Variants in ENPP3 observed in about 807,000 individuals in gnomAD.
The protein encoded by ENPP3 is ectonucleotide pyrophosphatase/phosphodiesterase 3.
In ENPP3, 104 loss-of-function variants were observed where a neutral mutation model predicts 117.8. That is an observed-to-expected ratio of 0.88 (90% CI 0.75 to 1.04). The LOEUF (loss-of-function observed/expected upper bound fraction) is 1.04, where lower values mean the gene tolerates loss of function less well. ENPP3 is among the 50% of genes least tolerant of loss of function. ENPP3 has a pLI of 0.00. For missense variants in ENPP3, 1,026 were observed against 1,051.9 expected (o/e 0.98, Z 0.34); for synonymous variants, 380 against 349.9 (o/e 1.09, Z -0.96).
chr6:131,710,992 T>C lies in ENPP3; in HGVS notation c.1413-7680T>C, dbSNP rs1042302391. ...CTCCAGGACCAGCCCCAGGTAGGGC[T>C]GAGGGGTAGCACCAGGCTCCTCCAT... On this transcript the variant is annotated intron_variant, in intron 15 of 24. Transcript: ENST00000357639. 15 of 1,581,394 alleles carry C rather than the reference T, an allele frequency of 9.5e-6. 2 individuals are homozygous for C. Among genetic ancestry groups the C allele is most frequent in the Non-Finnish European group, 1.3e-5 (15 of 1,176,188 alleles).
rs1780657984 is a variant in ENPP3 at position 131,747,335 on chromosome 6, A to G, written c.*379A>G. On this transcript the variant is annotated 3_prime_UTR_variant, in exon 25 of 25. Transcript: ENST00000357639. ...AGAAGTATGTCTCACTTGGGAACTG[A>G]ATCAACTCTAAATCAGTTTTGTCAC... 6.5e-6 allele frequency: 1 copy of G among 153,218 alleles called. No homozygotes were observed. Among genetic ancestry groups the G allele is most frequent in the Non-Finnish European group, 1.5e-5 (1 of 68,760 alleles). The allele number at this position is 153,218 out of a possible 1,614,324, so 9.5% of individuals were successfully genotyped here.
intron 20 of ENPP3, among the ~76,000 whole-genome samples, chr6:131,728,205 T>C (rs889463381): frequency 1.3e-5 from 2 of 152,224 alleles, no homozygotes; most frequent in African/African-American, 4.8e-5. Context: ...TATTTTGTTA[T>C]TGTTTTCGAG....
chr6:131,743,749 T>G (rs934046761), intron 24 of ENPP3, among the ~76,000 whole-genome samples: 3 of 151,852 alleles, frequency 2.0e-5, no homozygotes, highest in African/African-American at 7.3e-5. Flanking sequence ...TTCTTGAAAC[T>G]GGGAAGTAGA....
rs150521549 is a variant in ENPP3, at chr6:131,657,524, A to G, written c.465-799A>G. ...TTCTGGTTTATTCATTCACTGGAAT[A>G]TTAGATAGCTATGGGAATGAATGAT... On this transcript the variant is annotated intron_variant, in intron 5 of 24. Transcript: ENST00000357639. Among the ~76,000 whole-genome samples, 83 of 152,364 alleles carry G rather than the reference A, an allele frequency of 5.4e-4. 1 individual carries two copies. The highest frequency in any genetic ancestry group is 1.9e-3 in the African/African-American group (78 of 41,594).
chr6:131,685,854 A>G, intron 13 of ENPP3, 22 bp from the exon 14 acceptor site: 1 of 928,532 alleles, frequency 1.1e-6, no homozygotes, highest in Non-Finnish European at 1.7e-6. Flanking sequence ...AATGTCATTT[A>G]TTTCTTTTTC....
intron 6 of ENPP3, among the ~76,000 whole-genome samples, chr6:131,670,443 C>T (rs1368758388): frequency 2.0e-5 from 3 of 152,108 alleles, no homozygotes; most frequent in Non-Finnish European, 4.4e-5. Context: ...TGTGTATGGC[C>T]TGCCATATAT....
intron 12 of ENPP3, among the ~76,000 whole-genome samples, chr6:131,683,745 A>G (rs746642860): frequency 2.8e-5 from 4 of 143,850 alleles, no homozygotes; most frequent in Non-Finnish European, 6.0e-5. Flanking sequence ...CACTCACTCT[A>G]CAGGTTTTTT....
At chr6:131,653,446 C>A (rs1429475704) in intron 5 of ENPP3, among the ~76,000 whole-genome samples, 1 of 152,022 alleles carries the variant, frequency 6.6e-6, no homozygotes, top group Non-Finnish European at 1.5e-5. Context: ...CTCTACCCAG[C>A]CACAGTAATG....
In ENPP3 at chr6:131,678,545, G is replaced by A. The variant is rs115279347; in HGVS notation, c.1011+605G>A. Among the ~76,000 whole-genome samples the A allele has an allele frequency of 5.3e-3, 813 of 152,252 alleles. 5 individuals are homozygous for A. The highest frequency in any genetic ancestry group is 0.019 in the African/African-American group (772 of 41,550). ...CAAGCCATTCTGTCTTCTAAACTCC[G>A]CTAAAGCCTCTATTGTCTTGGACAC... On this transcript the variant is annotated intron_variant, in intron 11 of 24. Transcript: ENST00000357639.
intron 15 of ENPP3, among the ~76,000 whole-genome samples, chr6:131,694,279 G>A (rs1779353227): frequency 6.6e-6 from 1 of 152,122 alleles, no homozygotes; most frequent in African/African-American, 2.4e-5. Context: ...TGCTTGCCAT[G>A]TATGCACCAG....
intron 3 of ENPP3, among the ~76,000 whole-genome samples, chr6:131,652,288 A>T (rs1258247760): frequency 6.6e-6 from 1 of 152,206 alleles, no homozygotes. Context: ...CCATGTTCAG[A>T]TCTTCTCCAA....
At chr6:131,694,222 T>A (rs1179670780) in intron 15 of ENPP3, among the ~76,000 whole-genome samples, 3 of 152,212 alleles carry the variant, frequency 2.0e-5, no homozygotes, top group Non-Finnish European at 2.9e-5. Context: ...TATGACTCAC[T>A]CCATCTTAAA....
At chr6:131,645,652 C>T (rs1050911443) in intron 2 of ENPP3, among the ~76,000 whole-genome samples, 3 of 152,210 alleles carry the variant, frequency 2.0e-5, no homozygotes, top group African/African-American at 7.2e-5. Flanking sequence ...TCTAACCTAA[C>T]ACTTGACAGT....
Position 131,658,329 on chromosome 6 carries a change from C to A in ENPP3, c.471C>A (p.Asp157Glu). 2.5e-6 allele frequency: 4 copies of A among 1,601,368 alleles called. No homozygotes were observed. The highest frequency in any genetic ancestry group is 2.2e-5 in the East Asian group (1 of 44,796). ...TTTTGTTTTCCATTTTCAGGTTTGA[C>A]CTGCCACCAGTTATCTTGTTTTCTA... The part of the protein sequence containing the change: ...AQQSQCPEGF[D>E]LPPVILFSMD... Residue 157 changes from aspartate to glutamate, a missense_variant, in exon 6 of 25, where the codon GAC becomes GAA. Transcript: ENST00000357639.
intron 15 of ENPP3, among the ~76,000 whole-genome samples, chr6:131,717,214 A>T (rs1013222120): frequency 4.0e-5 from 6 of 151,268 alleles, no homozygotes; most frequent in Admixed American, 6.6e-5. Context: ...TTAATTTGTG[A>T]TTTATTTTTA....
intron 2 of ENPP3, among the ~76,000 whole-genome samples, chr6:131,649,553 A>G (rs1168482301): frequency 1.3e-5 from 2 of 151,900 alleles, no homozygotes; most frequent in African/African-American, 4.8e-5. Context: ...TATCAATGTC[A>G]TTACTATTAT....
In ENPP3 at chr6:131,693,523, G is replaced by A; in HGVS notation, c.1311G>A (p.Lys437=). The A allele has an allele frequency of 6.2e-7, 1 of 1,612,872 alleles. No individual in the cohort carries two copies. Among genetic ancestry groups the A allele is most frequent in the Non-Finnish European group, 8.5e-7 (1 of 1,179,468 alleles). The change falls in exon 15 of 25, where the codon AAG becomes AAA. Residue 437 remains lysine (K), a synonymous_variant. Transcript: ENST00000357639. ...LSCRKPDQHF[K]PYLTPDLPKR... is the part of the protein sequence containing the mutation. ...GCCGAAAACCTGATCAGCATTTCAA[G>A]CCCTATTTGACTCCTGATTTGCCAA... is the stretch of plus-strand genomic sequence containing the variant.
chr6:131,676,749 G>C lies in ENPP3; in HGVS notation c.886G>C (p.Glu296Gln). ...YMPYNGSVPF[E>Q]ERISTLLKWL... is the part of the protein sequence containing the mutation. ...CTATTTTTTCAGAAGTGTCCCATTTGAAGAGAGGATTTCTACACTGTTAAA... is the reference window on the plus strand; with the variant it reads ...CTATTTTTTCAGAAGTGTCCCATTTCAAGAGAGGATTTCTACACTGTTAAA... Residue 296 changes from glutamate to glutamine, a missense_variant, in exon 10 of 25, where the codon GAA becomes CAA. Glu to Gln is a conservative substitution (Grantham distance 29). Coordinates refer to ENST00000357639, the MANE Select transcript of ENPP3 (RefSeq NM_005021.5). 6.2e-7 allele frequency: 1 copy of C among 1,607,074 alleles called. No individual in the cohort carries two copies.
At chr6:131,693,103 A>G (rs1385179358) in intron 14 of ENPP3, among the ~76,000 whole-genome samples, 1 of 146,226 alleles carries the variant, frequency 6.8e-6, no homozygotes, top group East Asian at 1.9e-4. Context: ...ATTATATATT[A>G]TATATATGGT....
Sources: gnomAD v4.1 joint callset for allele counts (sites outside exome capture counted in the v4.1 genomes callset) on GRCh38, gnomAD v4.1.1 for gene constraint, MANE v1.5 for transcripts, NCBI Gene and HGNC (gene_info 2026-07-23, HGNC 2026-07-21) for gene names.